Variants in TOX observed in about 807,000 individuals in gnomAD.
The protein encoded by TOX is thymocyte selection associated high mobility group box.
Under a neutral mutation model 53.7 loss-of-function variants are expected in TOX, and 11 were observed. The observed-to-expected ratio is 0.20, with a 90% CI of 0.13 to 0.34. The LOEUF is 0.34. Among genes scored for constraint, TOX ranks in the 10% least tolerant of loss-of-function variants. The probability of loss-of-function intolerance (pLI) is 1.00; values close to 1 mark genes in which losing one functional copy is unlikely to be tolerated. For missense variants in TOX, 570 were observed against 664.6 expected (o/e 0.86, Z 1.56); for synonymous variants, 225 against 245.3 (o/e 0.92, Z 0.77).
intron 3 of TOX, among the ~76,000 whole-genome samples, chr8:58,899,819 A>G (rs967954062): frequency 2.6e-5 from 4 of 152,190 alleles, no homozygotes; most frequent in Non-Finnish European, 5.9e-5. Flanking sequence ...ATAATATGAG[A>G]AAAGCTAAAT....
intron 1 of TOX, among the ~76,000 whole-genome samples, chr8:59,027,938 C>T (rs1234637601): frequency 6.6e-6 from 1 of 152,026 alleles, no homozygotes; most frequent in Non-Finnish European, 1.5e-5. Flanking sequence ...TCACTGATAT[C>T]CCATGTGAAT....
intron 4 of TOX, among the ~76,000 whole-genome samples, chr8:58,848,746 G>A (rs898099087): frequency 2.6e-5 from 4 of 152,012 alleles, no homozygotes; most frequent in African/African-American, 9.7e-5. Context: ...AATCAAAATC[G>A]CGGGTAGTGT....
chr8:58,949,812 C>T (rs554896155), intron 2 of TOX, among the ~76,000 whole-genome samples: 341 of 151,204 alleles, frequency 2.3e-3, no homozygotes, highest in Non-Finnish European at 3.4e-3. Context: ...CAGTGTTGGG[C>T]TCTTTCTATA....
At chr8:59,048,734 G>A (rs1057265559) in intron 1 of TOX, among the ~76,000 whole-genome samples, 1 of 152,120 alleles carries the variant, frequency 6.6e-6, no homozygotes, top group Non-Finnish European at 1.5e-5. Context: ...TGAGTTACAT[G>A]AGATATTTTG....
intron 1 of TOX, among the ~76,000 whole-genome samples, chr8:59,097,034 A>C (rs1804723597): frequency 6.6e-6 from 1 of 152,298 alleles, no homozygotes; most frequent in Non-Finnish European, 1.5e-5. Context: ...AACTATAAAC[A>C]ATGCTCTGGC....
chr8:59,055,925 T>C (rs539267917), intron 1 of TOX, among the ~76,000 whole-genome samples: 12 of 152,196 alleles, frequency 7.9e-5, no homozygotes, highest in African/African-American at 1.4e-4. Flanking sequence ...ATATAGAACA[T>C]TGACAATAAA....
intron 1 of TOX, among the ~76,000 whole-genome samples, chr8:59,082,952 T>C (rs539048307): frequency 7.2e-5 from 11 of 152,310 alleles, no homozygotes; most frequent in African/African-American, 2.6e-4. Context: ...TCGTTGTTTT[T>C]TGTTTGTTTG....
At chr8:59,101,421 C>T (rs1396969402) in intron 1 of TOX, among the ~76,000 whole-genome samples, 2 of 152,128 alleles carry the variant, frequency 1.3e-5, no homozygotes, top group African/African-American at 4.8e-5. Flanking sequence ...GTTCTAAAAC[C>T]CCTATAAAAT....
intron 1 of TOX, among the ~76,000 whole-genome samples, chr8:59,015,285 G>A (rs1229874383): frequency 1.3e-5 from 2 of 152,282 alleles, no homozygotes; most frequent in African/African-American, 2.4e-5. Context: ...CTACTGCTAG[G>A]TGCAGACATG....
Position 59,095,416 on chromosome 8 carries a change from C to CT in TOX, c.102+23469dup, listed in dbSNP as rs558642304. On this transcript the variant is annotated intron_variant, in intron 1 of 8. Coordinates refer to ENST00000361421, the MANE Select transcript of TOX (RefSeq NM_014729.3). The stretch of plus-strand genomic sequence containing the variant: ...CTGAAAGATGAATATTAAAAATAAT[C>CT]TTTTTTTTGAGATGAAGTCTCGCTC... 3.9e-3 allele frequency among the ~76,000 whole-genome samples: 593 copies of CT among 152,092 alleles called. 3 individuals carry two copies. Among genetic ancestry groups the CT allele is most frequent in the African/African-American group, 0.014 (573 of 41,502 alleles).
intron 1 of TOX, among the ~76,000 whole-genome samples, chr8:59,074,029 C>T (rs375092226): frequency 1.8e-3 from 274 of 152,286 alleles, no homozygotes; most frequent in African/African-American, 6.3e-3. Context: ...CAATCTTCCA[C>T]TTCAAACCAT....
intron 1 of TOX, among the ~76,000 whole-genome samples, chr8:59,091,166 G>T (rs993748029): frequency 6.6e-6 from 1 of 152,074 alleles, no homozygotes; most frequent in Non-Finnish European, 1.5e-5. Context: ...CAGCCTCAAA[G>T]CCTCAATTCC....
At chr8:58,975,117 G>A (rs1020871737) in intron 1 of TOX, among the ~76,000 whole-genome samples, 1 of 151,206 alleles carries the variant, frequency 6.6e-6, no homozygotes, top group Non-Finnish European at 1.5e-5. Context: ...TATAATTTAT[G>A]TTTACCTATA....
chr8:58,851,878 T>A lies in TOX; in HGVS notation c.412-73A>T, dbSNP rs1329056295. On this transcript the variant is annotated intron_variant, in intron 3 of 8. Transcript: ENST00000361421. This position sits in a 1 kb window ranked among gnomAD's most constrained non-coding sequence, Gnocchi z 4.4. ...AAGGAGTAATTTTAACAAATATGTT[T>A]TGGGCAAAAAAGTAATAATTCTTTA... 1 of 1,214,512 alleles carries A rather than the reference T, an allele frequency of 8.2e-7. No individual in the cohort carries two copies. The highest frequency in any genetic ancestry group is 3.8e-5 in the Admixed American group (1 of 26,256). The allele number at this position is 1,214,512 out of a possible 1,614,324, so 75.2% of individuals were successfully genotyped here. A position where few individuals can be genotyped will look rare whatever the true frequency, so the allele number is the denominator to read the frequency against.
intron 1 of TOX, among the ~76,000 whole-genome samples, chr8:59,052,533 A>G (rs1244773670): frequency 6.6e-6 from 1 of 152,206 alleles, no homozygotes; most frequent in African/African-American, 2.4e-5. Flanking sequence ...CTATTCTTAA[A>G]ACAAAAATCT....
At chr8:59,071,874 A>T (rs934484486) in intron 1 of TOX, among the ~76,000 whole-genome samples, 1 of 152,248 alleles carries the variant, frequency 6.6e-6, no homozygotes, top group South Asian at 2.1e-4. Flanking sequence ...GGAAATTCCA[A>T]TCATTTTAAT....
intron 2 of TOX, among the ~76,000 whole-genome samples, chr8:58,950,845 A>G (rs1216742694): frequency 6.6e-6 from 1 of 152,048 alleles, no homozygotes; most frequent in Non-Finnish European, 1.5e-5. Context: ...TGGTGCAGGC[A>G]TGGCAAAAGC....
chr8:58,815,762 T>C (rs746338665), intron 6 of TOX, 38 bp from the exon 7 acceptor site: 16 of 1,557,812 alleles, frequency 1.0e-5, no homozygotes, highest in Middle Eastern at 1.7e-4. Context: ...GGGAGGCTGA[T>C]ACATGAGTGT....
chr8:58,890,195 G>A (rs1249651934), intron 3 of TOX, among the ~76,000 whole-genome samples: 1 of 152,118 alleles, frequency 6.6e-6, no homozygotes, highest in Non-Finnish European at 1.5e-5. Context: ...AATATGGTTG[G>A]TAGTCTACAC....
Sources: gnomAD v4.1 joint callset for allele counts (sites outside exome capture counted in the v4.1 genomes callset) on GRCh38, gnomAD v4.1.1 for gene constraint, Gnocchi (gnomAD v3.1) non-coding constraint, MANE v1.5 for transcripts, NCBI Gene and HGNC (gene_info 2026-07-23, HGNC 2026-07-21) for gene names.